Variants in USH2A observed in about 807,000 individuals in gnomAD.
USH2A encodes usherin.
USH2A carries 443 observed loss-of-function variants against 538.9 expected under a neutral mutation model. The ratio of observed to expected loss-of-function variants is 0.82; its 90% CI spans 0.76 to 0.89. The LOEUF (loss-of-function observed/expected upper bound fraction) is 0.89, where lower values mean the gene tolerates loss of function less well. Among genes scored for constraint, USH2A ranks in the 40% least tolerant of loss-of-function variants. The pLI is 0.00. For missense variants in USH2A, 6,633 were observed against 6,324.8 expected (o/e 1.05, Z -1.65); for synonymous variants, 2,413 against 2,273.5 (o/e 1.06, Z -1.75).
rs181045647 is a variant in USH2A at position 215,854,207 on chromosome 1, A to G, written c.8846-8174T>C. On this transcript the variant is annotated intron_variant, in intron 44 of 71. Coordinates refer to ENST00000307340, the MANE Select transcript of USH2A (RefSeq NM_206933.4). ...TACATGGCGGTAGACAAGAAAAGAG[A>G]GTTTGTGCAGGGAAACTCCCCTTTA... Among the ~76,000 whole-genome samples the G allele has an allele frequency of 8.5e-5, 13 of 152,276 alleles. 1 individual carries two copies. The highest frequency in any genetic ancestry group is 2.6e-4 in the African/African-American group (11 of 41,564).
chr1:216,089,200 C>T (rs918735855), intron 22 of USH2A, 61 bp from the exon 23 acceptor site: 3 of 1,532,740 alleles, frequency 2.0e-6, no homozygotes, highest in African/African-American at 2.7e-5. Context: ...TAAACACACA[C>T]ATATTTGTTA....
chr1:215,934,935 G>T, intron 37 of USH2A, 140 bp from the exon 38 acceptor site: 2 of 749,892 alleles, frequency 2.7e-6, no homozygotes, highest in Non-Finnish European at 4.1e-6. Flanking sequence ...CATTACATGT[G>T]CTTCTATCAA....
intron 9 of USH2A, among the ~76,000 whole-genome samples, chr1:216,316,981 T>C (rs1054600631): frequency 2.6e-5 from 4 of 152,184 alleles, no homozygotes; most frequent in Admixed American, 6.6e-5. Context: ...CTGGATATTA[T>C]ACCTTTGTCA....
intron 9 of USH2A, among the ~76,000 whole-genome samples, chr1:216,314,319 T>C (rs896754868): frequency 6.6e-6 from 1 of 152,186 alleles, no homozygotes; most frequent in East Asian, 1.9e-4. Flanking sequence ...AATATCATCA[T>C]GTCAGTGAGG....
At chr1:215,723,746 A>T (rs1336442676) in intron 61 of USH2A, among the ~76,000 whole-genome samples, 1 of 152,198 alleles carries the variant, frequency 6.6e-6, no homozygotes, top group Non-Finnish European at 1.5e-5. Flanking sequence ...GAAAGAAGAC[A>T]GTAAAGTTGT....
At chr1:216,094,901 G>A (rs1434484944) in intron 22 of USH2A, among the ~76,000 whole-genome samples, 1 of 151,974 alleles carries the variant, frequency 6.6e-6, no homozygotes, top group Non-Finnish European at 1.5e-5. Flanking sequence ...AATATGAAGA[G>A]TATCTACCTC....
intron 10 of USH2A, among the ~76,000 whole-genome samples, chr1:216,290,307 A>T (rs2036977272): frequency 1.3e-5 from 2 of 152,192 alleles, no homozygotes; most frequent in African/African-American, 4.8e-5. Flanking sequence ...CTATTGAGCT[A>T]GTTAAAAATT....
rs1456577431 is a variant in USH2A at position 215,987,088 on chromosome 1, C to T, written c.6805+5932G>A. Among the ~76,000 whole-genome samples the T allele has an allele frequency of 2.0e-5, 3 of 152,124 alleles. No individual in the cohort carries two copies. In the East Asian group the frequency reaches 5.8e-4, roughly 29 times the overall value. ...ATATTCTAATTAGTTTAAAATGTCACTGTAAATGTTATGCTAGATAATGAC... is the reference window on the plus strand; with the variant it reads ...ATATTCTAATTAGTTTAAAATGTCATTGTAAATGTTATGCTAGATAATGAC... On this transcript the variant is annotated intron_variant, in intron 35 of 71. Transcript: ENST00000307340.
At chr1:216,407,601 A>G (rs1235046229) in intron 3 of USH2A, among the ~76,000 whole-genome samples, 1 of 152,180 alleles carries the variant, frequency 6.6e-6, no homozygotes, top group African/African-American at 2.4e-5. Flanking sequence ...AAATAAAGTC[A>G]TAATCTCCAT....
intron 3 of USH2A, among the ~76,000 whole-genome samples, chr1:216,378,931 GT>G (rs1245290775): frequency 6.6e-6 from 1 of 152,080 alleles, no homozygotes; most frequent in African/African-American, 2.4e-5. Flanking sequence ...CTGCAGATGT[GT>G]TTCTATTCAC....
At chr1:216,207,963 T>A (rs1343410755) in intron 15 of USH2A, among the ~76,000 whole-genome samples, 1 of 152,076 alleles carries the variant, frequency 6.6e-6, no homozygotes, top group Admixed American at 6.5e-5. Flanking sequence ...CTAAATATTA[T>A]CAAGAAACGA....
At chr1:216,076,355 G>C (rs987760281) in intron 27 of USH2A, among the ~76,000 whole-genome samples, 2 of 152,094 alleles carry the variant, frequency 1.3e-5, no homozygotes, top group African/African-American at 2.4e-5. Flanking sequence ...CTTAGTCATA[G>C]TGTGTAGGTA....
At chr1:216,176,888 T>C (rs1467706642) in intron 20 of USH2A, among the ~76,000 whole-genome samples, 2 of 152,220 alleles carry the variant, frequency 1.3e-5, no homozygotes, top group Non-Finnish European at 2.9e-5. Context: ...CATTTAATGC[T>C]AAATAATATT....
intron 37 of USH2A, among the ~76,000 whole-genome samples, chr1:215,960,478 TG>T (rs1667171813): frequency 6.6e-6 from 1 of 152,134 alleles, no homozygotes; most frequent in Admixed American, 6.6e-5. Flanking sequence ...AAGTGATCAC[TG>T]GGAGTTGACT....
chr1:216,256,329 TTTTTTTGCC>T (rs1281840506), intron 11 of USH2A, among the ~76,000 whole-genome samples: 1 of 151,358 alleles, frequency 6.6e-6, no homozygotes, highest in Non-Finnish European at 1.5e-5. Context: ...TCCTTTTTTT[TTTTTTTGCC>T]TGTTTTGTGT....
intron 43 of USH2A, among the ~76,000 whole-genome samples, chr1:215,875,309 A>C (rs1664735271): frequency 6.6e-6 from 1 of 151,976 alleles, no homozygotes. Context: ...CTACAAGCTT[A>C]ATGTAAGTTG....
intron 6 of USH2A, 25 bp downstream of exon 6, chr1:216,325,280 T>C: frequency 4.3e-6 from 7 of 1,612,256 alleles, no homozygotes; most frequent in Non-Finnish European, 5.1e-6. Context: ...AGGAAATTAA[T>C]GTACACCTTA....
At chr1:216,139,710 G>C (rs2033563728) in intron 21 of USH2A, among the ~76,000 whole-genome samples, 1 of 152,148 alleles carries the variant, frequency 6.6e-6, no homozygotes, top group South Asian at 2.1e-4. Context: ...CTGCTGTTCA[G>C]TACTTTTCCT....
At chr1:215,992,994 A>G in intron 35 of USH2A, 26 bp downstream of exon 35, 1 of 1,613,920 alleles carries the variant, frequency 6.2e-7, no homozygotes, top group Non-Finnish European at 8.5e-7. Context: ...CATCTTTTTA[A>G]CTTGAGGCTA....
Sources: allele counts gnomAD v4.1 joint callset (sites outside exome capture counted in the v4.1 genomes callset), GRCh38; gene constraint gnomAD v4.1.1; transcripts MANE v1.5; gene names NCBI Gene and HGNC (gene_info 2026-07-23, HGNC 2026-07-21).